CECR2: variants seen among roughly 807,000 people sequenced by gnomAD.
The protein encoded by CECR2 is chromatin remodeling regulator CECR2.
Under a neutral mutation model 154.5 loss-of-function variants are expected in CECR2, and 30 were observed. The ratio of observed to expected loss-of-function variants is 0.19; its 90% CI spans 0.15 to 0.26. The LOEUF (loss-of-function observed/expected upper bound fraction) is 0.26, where lower values mean the gene tolerates loss of function less well. Ranked by LOEUF, CECR2 falls within the 10% of genes least tolerant of loss-of-function variation. CECR2 has a pLI of 1.00. For missense variants in CECR2, 1,743 were observed against 1,829.3 expected (o/e 0.95, Z 0.86); for synonymous variants, 725 against 683.7 (o/e 1.06, Z -0.94).
intron 1 of CECR2, among the ~76,000 whole-genome samples, chr22:17,384,473 A>G (rs2063236282): frequency 6.6e-6 from 1 of 152,252 alleles, no homozygotes; most frequent in Non-Finnish European, 1.5e-5. Flanking sequence ...GTCAGCAGAC[A>G]TGAAAACCAC....
At chr22:17,378,618 C>G (rs540609887) in intron 1 of CECR2, among the ~76,000 whole-genome samples, 6 of 152,190 alleles carry the variant, frequency 3.9e-5, no homozygotes, top group Non-Finnish European at 7.3e-5. Flanking sequence ...TATTGTTGGC[C>G]TCTATGCTCC....
chr22:17,523,474 C>T (rs181526940), intron 8 of CECR2, among the ~76,000 whole-genome samples: 41 of 151,286 alleles, frequency 2.7e-4, no homozygotes, highest in African/African-American at 9.0e-4. Flanking sequence ...TTACCTTTAT[C>T]GGCTGGGCAC....
chr22:17,447,033 CTTT>C (rs1555910503), intron 1 of CECR2, among the ~76,000 whole-genome samples: 11 of 114,098 alleles, frequency 9.6e-5, no homozygotes, highest in Middle Eastern at 4.7e-3. Flanking sequence ...CGTTTACAAT[CTTT>C]TTTTTTTTTT....
At chr22:17,465,725 C>T (rs138444724) in intron 1 of CECR2, among the ~76,000 whole-genome samples, 3,158 of 152,034 alleles carry the variant, frequency 0.021, 43 homozygotes, top group African/African-American at 0.045. Context: ...CCTCGTGATC[C>T]CCCCGCCTCA....
Position 17,541,872 on chromosome 22 carries a change from C to T in CECR2, c.1918C>T (p.Arg640Ter), listed in dbSNP as rs2056528428. The T allele has an allele frequency of 6.2e-7, 1 of 1,613,890 alleles. No individual in the cohort carries two copies. Among genetic ancestry groups the T allele is most frequent in the Non-Finnish European group, 8.5e-7 (1 of 1,179,846 alleles). The change falls in exon 15 of 19, where the codon CGA becomes TGA. Residue 640 changes from arginine (R) to a stop codon, truncating the protein, a stop_gained. Transcript: ENST00000262608. LOFTEE classifies it high-confidence loss of function. ...PAVPGTFGPL[R>*]GSDPATLYGS... ...AGTACCAGGAACATTTGGCCCTCTG[C>T]GAGGATCAGATCCTGCCACCTTGTA...
At chr22:17,448,440 A>G (rs2054713279) in intron 1 of CECR2, among the ~76,000 whole-genome samples, 1 of 152,236 alleles carries the variant, frequency 6.6e-6, no homozygotes. Context: ...TAACTTTGAC[A>G]TCAACTAGCA....
At chr22:17,405,666 A>AATTT (rs1601299657) in intron 1 of CECR2, among the ~76,000 whole-genome samples, 2 of 128,426 alleles carry the variant, frequency 1.6e-5, no homozygotes, top group Non-Finnish European at 3.3e-5. Flanking sequence ...AAAAAAAAAA[A>AATTT]TTTTCAATTG....
At chr22:17,393,958 G>A (rs1264055874) in intron 1 of CECR2, among the ~76,000 whole-genome samples, 2 of 148,042 alleles carry the variant, frequency 1.4e-5, no homozygotes. Context: ...CGCGATCTCA[G>A]CTCACTGCAA....
rs150664349 is a variant in CECR2 at position 17,530,755 on chromosome 22, C to G, written c.1109-6348C>G. Among the ~76,000 whole-genome samples the G allele has an allele frequency of 1.9e-3, 289 of 151,974 alleles. 2 individuals are homozygous for G. Among genetic ancestry groups the G allele is most frequent in the Non-Finnish European group, 3.2e-3 (216 of 67,974 alleles). Reference sequence around the variant, plus strand: ...GTCCACCAGTGGATAAAAGGAGAACCTGAATGCAGTATACACTTAGAATGG... The same window carrying G: ...GTCCACCAGTGGATAAAAGGAGAACGTGAATGCAGTATACACTTAGAATGG... On this transcript the variant is annotated intron_variant, in intron 9 of 18. Transcript: ENST00000262608.
At chr22:17,399,830 C>T (rs2053866121) in intron 1 of CECR2, among the ~76,000 whole-genome samples, 2 of 152,178 alleles carry the variant, frequency 1.3e-5, no homozygotes, top group Non-Finnish European at 1.5e-5. Flanking sequence ...CATTTCCCAA[C>T]TTTCAGTATT....
intron 3 of CECR2, among the ~76,000 whole-genome samples, chr22:17,498,839 C>T (rs1465508162): frequency 6.6e-6 from 1 of 152,122 alleles, no homozygotes; most frequent in Non-Finnish European, 1.5e-5. Context: ...TGGATTCTCT[C>T]TTTTTTGAAA....
chr22:17,384,097 GTTAATAT>G (rs1365294154), intron 1 of CECR2, among the ~76,000 whole-genome samples: 2 of 152,262 alleles, frequency 1.3e-5, no homozygotes, highest in Non-Finnish European at 2.9e-5. Flanking sequence ...CCAAACTCCT[GTTAATAT>G]GGATATTTGG....
rs2056505141 is a variant in CECR2 at position 17,540,506 on chromosome 22, T to C, written c.1590T>C (p.Phe530=). The change falls in exon 14 of 19, where the codon TTT becomes TTC. Residue 530 remains phenylalanine (F), a synonymous_variant. Coordinates refer to ENST00000262608, the MANE Select transcript of CECR2 (RefSeq NM_001290047.2). ...PGEDGDTDEE[F]WIREDEKREK... ...AAGATGGAGACACAGATGAAGAATT[T>C]TGGATTCGAGAGGATGAAAAGCGGG... is the stretch of plus-strand genomic sequence containing the variant. 6.2e-7 allele frequency: 1 copy of C among 1,610,984 alleles called. No homozygotes were observed. Among genetic ancestry groups the C allele is most frequent in the Non-Finnish European group, 8.5e-7 (1 of 1,178,306 alleles).
chr22:17,499,318 G>C (rs1278207769), intron 3 of CECR2, 92 bp from the exon 4 acceptor site: 2 of 1,464,578 alleles, frequency 1.4e-6, no homozygotes, highest in Non-Finnish European at 1.9e-6. Context: ...TTTGAGTTAT[G>C]CTTACGTGTA....
chr22:17,541,726 T>G, intron 14 of CECR2, 113 bp from the exon 15 acceptor site: 4 of 1,308,100 alleles, frequency 3.1e-6, no homozygotes, highest in Non-Finnish European at 4.2e-6. Flanking sequence ...CAGCCGAGGT[T>G]TAGTCGTCTG....
intron 1 of CECR2, among the ~76,000 whole-genome samples, chr22:17,362,727 C>A (rs1188100908): frequency 1.3e-5 from 2 of 151,508 alleles, no homozygotes; most frequent in Non-Finnish European, 2.9e-5. Context: ...GATGGTGAAA[C>A]CCTGTCTCTA....
At chr22:17,546,006 C>T (rs1361396048) in intron 16 of CECR2, among the ~76,000 whole-genome samples, 3 of 152,012 alleles carry the variant, frequency 2.0e-5, no homozygotes, top group African/African-American at 7.3e-5. Context: ...GAGACACAAT[C>T]ACACCACTAC....
chr22:17,477,814 G>A lies in CECR2; in HGVS notation c.221+132G>A, dbSNP rs2055235364. ...TCACGGGACACTGTAGATGGAGGAC[G>A]TACACGTAAATTTCCAGGCTGTGTT... On this transcript the variant is annotated intron_variant, in intron 2 of 18. Transcript: ENST00000262608. The A allele has an allele frequency of 9.2e-6, 6 of 652,002 alleles. No homozygotes were observed. In the East Asian group the frequency reaches 1.1e-4, roughly 12 times the overall value. The allele number at this position is 652,002 out of a possible 1,614,324, so 40.4% of individuals were successfully genotyped here. A position where few individuals can be genotyped will look rare whatever the true frequency, so the allele number is the denominator to read the frequency against.
chr22:17,528,558 CAG>C (rs1460695311), intron 9 of CECR2, among the ~76,000 whole-genome samples: 9 of 151,712 alleles, frequency 5.9e-5, no homozygotes, highest in Non-Finnish European at 1.3e-4. Context: ...ATTTTTGAGA[CAG>C]AGTCTCACTC....
Sources: gnomAD v4.1 joint callset for allele counts (sites outside exome capture counted in the v4.1 genomes callset) on GRCh38, gnomAD v4.1.1 for gene constraint, MANE v1.5 for transcripts, NCBI Gene and HGNC (gene_info 2026-07-23, HGNC 2026-07-21) for gene names.